Variants in STIM1 observed in about 807,000 individuals in gnomAD.
STIM1 encodes stromal interaction molecule 1.
Under a neutral mutation model 74.7 loss-of-function variants are expected in STIM1, and 25 were observed. That is an observed-to-expected ratio of 0.33 (90% CI 0.24 to 0.47). The LOEUF (loss-of-function observed/expected upper bound fraction) is 0.47. Among genes scored for constraint, STIM1 ranks in the 20% least tolerant of loss-of-function variants. The probability of loss-of-function intolerance (pLI) is 1.00; values close to 1 mark genes in which losing one functional copy is unlikely to be tolerated. For missense variants in STIM1, 728 were observed against 920.8 expected, an observed-to-expected ratio of 0.79 and a Z score of 2.71; for synonymous variants, 328 against 348.8, an observed-to-expected ratio of 0.94 and a Z score of 0.66.
chr11:3,946,143 G>C (rs1034600907), intron 1 of STIM1, among the ~76,000 whole-genome samples: 1 of 152,148 alleles, frequency 6.6e-6, no homozygotes, highest in Admixed American at 6.5e-5. Flanking sequence ...AACAGCAGGC[G>C]CTGGATAGGA....
At chr11:4,000,108 C>T (rs982745341) in intron 2 of STIM1, among the ~76,000 whole-genome samples, 18 of 152,056 alleles carry the variant, frequency 1.2e-4, no homozygotes, top group Admixed American at 2.0e-4. Flanking sequence ...GAGCCCACCA[C>T]GGCTCAAGGA....
At chr11:4,077,753 T>C (rs1590693953) in intron 7 of STIM1, among the ~76,000 whole-genome samples, 1 of 152,328 alleles carries the variant, frequency 6.6e-6, no homozygotes, top group South Asian at 2.1e-4. Context: ...TCTATTGATC[T>C]ATCTTTTAAG....
chr11:4,051,966 A>T (rs1190170310), intron 3 of STIM1, among the ~76,000 whole-genome samples: 2 of 152,226 alleles, frequency 1.3e-5, no homozygotes, highest in South Asian at 4.1e-4. Flanking sequence ...TCAAGAACAG[A>T]CAAACAGAGA....
intron 3 of STIM1, among the ~76,000 whole-genome samples, chr11:4,027,765 A>G (rs549448141): frequency 3.3e-5 from 5 of 151,976 alleles, no homozygotes; most frequent in Admixed American, 6.6e-5. Context: ...TGATGGTGGG[A>G]GTGTGTGTGT....
chr11:3,982,180 C>G (rs1042179227), intron 2 of STIM1, among the ~76,000 whole-genome samples: 4 of 151,932 alleles, frequency 2.6e-5, no homozygotes, highest in Non-Finnish European at 5.9e-5. Context: ...GTGCACGCCA[C>G]TATGCCCAGT....
intron 1 of STIM1, among the ~76,000 whole-genome samples, chr11:3,966,297 C>A (rs1165223649): frequency 6.6e-6 from 1 of 152,168 alleles, no homozygotes; most frequent in Non-Finnish European, 1.5e-5. Flanking sequence ...ACATCTGGAA[C>A]ACTTTAAAAT....
chr11:4,036,611 G>A (rs770902014), intron 3 of STIM1, among the ~76,000 whole-genome samples: 5 of 152,158 alleles, frequency 3.3e-5, no homozygotes, highest in African/African-American at 1.2e-4. Flanking sequence ...GATCAGTGAC[G>A]TTGAGCTTTT....
At chr11:3,870,669 A>G (rs1462059968) in intron 1 of STIM1, among the ~76,000 whole-genome samples, 9 of 151,572 alleles carry the variant, frequency 5.9e-5, no homozygotes, top group African/African-American at 1.9e-4. Flanking sequence ...GCTAGTTTTT[A>G]TATTTTTTGT....
intron 1 of STIM1, among the ~76,000 whole-genome samples, chr11:3,905,856 C>A (rs2092457347): frequency 6.6e-6 from 1 of 152,104 alleles, no homozygotes; most frequent in Non-Finnish European, 1.5e-5. Context: ...AGGGCCCTTG[C>A]AGGGGGCAGG....
intron 5 of STIM1, among the ~76,000 whole-genome samples, chr11:4,067,544 G>A (rs2094375959): frequency 2.0e-5 from 3 of 152,176 alleles, no homozygotes. Context: ...AATATTTGCT[G>A]CGTGAATATG....
chr11:4,082,861 C>T (rs2094472587), intron 8 of STIM1, 21 bp from the exon 9 acceptor site: 1 of 1,607,702 alleles, frequency 6.2e-7, no homozygotes, highest in African/African-American at 1.3e-5. Flanking sequence ...TCTTTTTGAG[C>T]TGGGGGCCTC....
Position 4,091,400 on chromosome 11 carries a change from A to T in STIM1, c.1753A>T (p.Asn585Tyr). ...CGAGGCTCTCAATGCCATGACTTCC[A>T]ATGGCAGCCACCGGCTGATCGAGGG... ...ADEALNAMTS[N>Y]GSHRLIEGVH... The change falls in exon 13 of 13, where the codon AAT (asparagine) becomes TAT (tyrosine). Residue 585 changes from asparagine (N) to tyrosine (Y), a missense_variant. Coordinates refer to ENST00000526596, the MANE Select transcript of STIM1 (RefSeq NM_001382567.1). 12 of 1,614,124 alleles carry T rather than the reference A, an allele frequency of 7.4e-6. No homozygotes were observed. The highest frequency in any genetic ancestry group is 9.3e-6 in the Non-Finnish European group (11 of 1,180,006).
chr11:4,092,926 G>C lies in STIM1; in HGVS notation c.*1128G>C, dbSNP rs2094532338. ...AAGGAAGATGGTATAGGTGAAGGCG[G>C]CTGTGTGACCACTTTCCCCCACCCT... On this transcript the variant is annotated 3_prime_UTR_variant, in exon 13 of 13. Coordinates refer to ENST00000526596, the MANE Select transcript of STIM1 (RefSeq NM_001382567.1). The C allele has an allele frequency of 6.6e-6, 1 of 152,288 alleles. No individual in the cohort carries two copies. Among genetic ancestry groups the C allele is most frequent in the Non-Finnish European group, 1.5e-5 (1 of 68,072 alleles). The allele number at this position is 152,288 out of a possible 1,614,324, so 9.4% of individuals were successfully genotyped here.
chr11:3,895,646 CTTTCTTTCTTTCTTTCTTTCTTTCT>C (rs2092057354), intron 1 of STIM1, among the ~76,000 whole-genome samples: 1 of 10,310 alleles, frequency 9.7e-5, no homozygotes, highest in African/African-American at 2.5e-4. Context: ...TTCTTTCTTT[CTTTCTTTCTTTCTTTCTTTCTTTCT>C]TTCCTTCCTT....
At chr11:3,993,305 G>A (rs577543299) in intron 2 of STIM1, among the ~76,000 whole-genome samples, 272 of 152,158 alleles carry the variant, frequency 1.8e-3, no homozygotes, top group South Asian at 0.011. Flanking sequence ...AGCTTTTGCC[G>A]CTGCCTGGAC....
chr11:3,906,608 G>A (rs1428765125), intron 1 of STIM1, among the ~76,000 whole-genome samples: 3 of 152,150 alleles, frequency 2.0e-5, no homozygotes, highest in Admixed American at 2.0e-4. Flanking sequence ...GCTAGGCATT[G>A]TGTGAGGTTC....
chr11:3,927,988 T>C (rs927954575), intron 1 of STIM1, among the ~76,000 whole-genome samples: 12 of 152,216 alleles, frequency 7.9e-5, no homozygotes, highest in African/African-American at 2.9e-4. Flanking sequence ...ATTTAAACTT[T>C]GTTGGCTTCT....
At chr11:3,913,721 C>A (rs1272958320) in intron 1 of STIM1, among the ~76,000 whole-genome samples, 1 of 152,208 alleles carries the variant, frequency 6.6e-6, no homozygotes, top group Non-Finnish European at 1.5e-5. Context: ...TGTACAGCCA[C>A]CACTTCTATC....
At chr11:3,855,188 G>C (rs1361216127), upstream of STIM1, 2 of 152,520 alleles carry the variant, frequency 1.3e-5, no homozygotes, top group Admixed American at 6.5e-5. Flanking sequence ...GCTCGCCCCC[G>C]GGCCGAGCCG....
Sources: gnomAD v4.1 joint callset for allele counts (sites outside exome capture counted in the v4.1 genomes callset) on GRCh38, gnomAD v4.1.1 for gene constraint, MANE v1.5 for transcripts, NCBI Gene and HGNC (gene_info 2026-07-23, HGNC 2026-07-21) for gene names.